PRIM2: variants seen among roughly 807,000 people sequenced by gnomAD.
The protein encoded by PRIM2 is DNA primase large subunit.
In PRIM2, 39 loss-of-function variants were observed where a neutral mutation model predicts 67.3. That is an observed-to-expected ratio of 0.58 (90% confidence interval 0.45 to 0.76). PRIM2 has a LOEUF of 0.76. PRIM2 is among the 30% of genes least tolerant of loss of function. The pLI is 0.00. For missense variants in PRIM2, 398 were observed against 598.7 expected (o/e 0.66, Z 3.50); for synonymous variants, 143 against 198.7 (o/e 0.72, Z 2.36).
chr6:57,479,675 C>T (rs1773568021), intron 7 of PRIM2, among the ~76,000 whole-genome samples: 1 of 152,160 alleles, frequency 6.6e-6, no homozygotes, highest in African/African-American at 2.4e-5. Flanking sequence ...TTCAAATGCG[C>T]CACTGTCCTC....
At chr6:57,222,462 T>C in the PRIM2 span, 2 of 152,250 alleles carry the variant, frequency 1.3e-5, no homozygotes, top group African/African-American at 4.8e-5. Flanking sequence ...ATCTCCTAGA[T>C]CGTGAACTCT....
chr6:57,229,028 T>C, the PRIM2 span, among the ~76,000 whole-genome samples: 1 of 152,218 alleles, frequency 6.6e-6, no homozygotes, highest in Non-Finnish European at 1.5e-5. Context: ...CTTTTTCTCC[T>C]CCTTGCTAGA....
chr6:57,271,320 T>A, the PRIM2 span, among the ~76,000 whole-genome samples: 1 of 152,238 alleles, frequency 6.6e-6, no homozygotes, highest in Non-Finnish European at 1.5e-5. Flanking sequence ...GTTATTGGTC[T>A]ATTCAGAGAT....
intron 7 of PRIM2, among the ~76,000 whole-genome samples, chr6:57,418,385 T>G (rs1387250893): frequency 0.036 from 1,836 of 50,784 alleles, 296 homozygotes; most frequent in African/African-American, 0.16. Context: ...TGTGTGTGGT[T>G]TTTTTTTTTT....
rs1336577101 is a variant in PRIM2 at position 57,539,092 on chromosome 6, TTCA to T, written c.1020+1470_1020+1472del. On this transcript the variant is annotated intron_variant, in intron 10 of 13. Transcript: ENST00000615550. The stretch of plus-strand genomic sequence containing the variant: ...TTTCAGATTTGTTTTAAAAACTGTC[TTCA>T]TCGACAATTATCCATAGAATCTTAA... 2.0e-5 allele frequency among the ~76,000 whole-genome samples: 3 copies of T among 152,192 alleles called. No homozygotes were observed. In the East Asian group the frequency reaches 5.8e-4, roughly 29 times the overall value.
At chr6:57,579,723 C>T (rs1776044949) in intron 10 of PRIM2, among the ~76,000 whole-genome samples, 1 of 151,830 alleles carries the variant, frequency 6.6e-6, no homozygotes, top group African/African-American at 2.4e-5. Flanking sequence ...AGAGGGTAGC[C>T]CTGGGTAACC....
At chr6:57,419,739 T>C (rs1198406849) in intron 7 of PRIM2, among the ~76,000 whole-genome samples, 1 of 152,146 alleles carries the variant, frequency 6.6e-6, no homozygotes, top group Non-Finnish European at 1.5e-5. Flanking sequence ...TATTTAACCC[T>C]CGGTTTTTGA....
Position 57,430,031 on chromosome 6 carries a change from C to A in PRIM2, c.693+47863C>A, listed in dbSNP as rs868352710. ...ATGTAGAACATTGCCAGCCTAGAGT[C>A]AAGGCTAGGAAGTTGAAATTGGGGA... On this transcript the variant is annotated intron_variant, in intron 7 of 13. Coordinates refer to ENST00000615550, the MANE Select transcript of PRIM2 (RefSeq NM_000947.5). Among the ~76,000 whole-genome samples, 5 of 152,108 alleles carry A rather than the reference C, an allele frequency of 3.3e-5. No homozygotes were observed. The South Asian group carries it at 6.2e-4, about 19-fold the overall frequency.
chr6:57,508,813 G>A (rs1489353106), intron 8 of PRIM2, among the ~76,000 whole-genome samples: 2 of 152,040 alleles, frequency 1.3e-5, no homozygotes, highest in East Asian at 3.8e-4. Context: ...CTCACTTATT[G>A]ATAGCATCTC....
chr6:57,443,756 T>C (rs1280239597), intron 7 of PRIM2, among the ~76,000 whole-genome samples: 7 of 152,186 alleles, frequency 4.6e-5, no homozygotes, highest in Non-Finnish European at 1.0e-4. Flanking sequence ...GTAGAAGCTT[T>C]TTAGTTTGAT....
chr6:57,489,558 C>CAAAA (rs1773838957), intron 7 of PRIM2, among the ~76,000 whole-genome samples: 420 of 141,096 alleles, frequency 3.0e-3, no homozygotes, highest in African/African-American at 0.01. Flanking sequence ...CCCCCGTCTC[C>CAAAA]AGAAAAAAGA....
chr6:57,242,731 T>C, the PRIM2 span, among the ~76,000 whole-genome samples: 12 of 152,198 alleles, frequency 7.9e-5, no homozygotes, highest in African/African-American at 2.9e-4. Flanking sequence ...CCAGTGTTGC[T>C]ATCTGGGCTT....
intron 5 of PRIM2, among the ~76,000 whole-genome samples, chr6:57,352,517 G>T (rs1362371322): frequency 6.6e-6 from 1 of 152,162 alleles, no homozygotes; most frequent in Non-Finnish European, 1.5e-5. Context: ...GGGATTACAG[G>T]TGTGAGCCAC....
intron 7 of PRIM2, among the ~76,000 whole-genome samples, chr6:57,470,965 T>G (rs1483268741): frequency 6.6e-6 from 1 of 152,236 alleles, no homozygotes; most frequent in Non-Finnish European, 1.5e-5. Flanking sequence ...ACAATTACAG[T>G]ATTAAAATCT....
At chr6:57,250,214 A>G in the PRIM2 span, among the ~76,000 whole-genome samples, 1 of 152,198 alleles carries the variant, frequency 6.6e-6, no homozygotes, top group Non-Finnish European at 1.5e-5. Flanking sequence ...TATTTCTTCA[A>G]TATGTGAACA....
chr6:57,291,391 G>C, the PRIM2 span, among the ~76,000 whole-genome samples: 1 of 152,130 alleles, frequency 6.6e-6, no homozygotes, highest in East Asian at 1.9e-4. Context: ...AGACCAGATG[G>C]ATTCACAGCC....
intron 5 of PRIM2, among the ~76,000 whole-genome samples, chr6:57,366,929 AT>A (rs1169853279): frequency 3.3e-5 from 5 of 151,968 alleles, no homozygotes; most frequent in East Asian, 1.9e-4. Flanking sequence ...TAAATTACCT[AT>A]TTTTTTTCAA....
chr6:57,589,100 T>C (rs1776242323), intron 10 of PRIM2, among the ~76,000 whole-genome samples: 1 of 152,158 alleles, frequency 6.6e-6, no homozygotes, highest in Non-Finnish European at 1.5e-5. Flanking sequence ...GAAATAGTGG[T>C]CCATTTAGTT....
intron 6 of PRIM2, among the ~76,000 whole-genome samples, 177 bp downstream of exon 6, chr6:57,380,173 C>A (rs1412613884): frequency 6.6e-6 from 1 of 152,192 alleles, no homozygotes; most frequent in Non-Finnish European, 1.5e-5. Flanking sequence ...TGGGCTGTCT[C>A]CTTCCACGGA....
Sources: gnomAD v4.1 joint callset for allele counts (sites outside exome capture counted in the v4.1 genomes callset) on GRCh38, gnomAD v4.1.1 for gene constraint, MANE v1.5 for transcripts, NCBI Gene and HGNC (gene_info 2026-07-23, HGNC 2026-07-21) for gene names.